NDUFS4: variants seen among roughly 807,000 people sequenced by gnomAD.
The protein encoded by NDUFS4 is NADH:ubiquinone oxidoreductase subunit S4.
In NDUFS4, 28 loss-of-function variants were observed where a neutral mutation model predicts 24.3. The ratio of observed to expected loss-of-function variants is 1.15; its 90% CI spans 0.85 to 1.58. The LOEUF (loss-of-function observed/expected upper bound fraction) is 1.58, where lower values mean the gene tolerates loss of function less well. Among genes scored for constraint, NDUFS4 ranks in the 40% most tolerant of loss-of-function variants. NDUFS4 has a pLI of 0.00. For synonymous variants in NDUFS4, 93 were observed against 69.7 expected (o/e 1.34, Z -1.67); for missense variants, 223 against 207.9 (o/e 1.07, Z -0.45).
chr5:53,651,213 T>G (rs1014033097), intron 3 of NDUFS4, among the ~76,000 whole-genome samples: 3 of 152,002 alleles, frequency 2.0e-5, no homozygotes, highest in African/African-American at 7.2e-5. Flanking sequence ...AAATATTTAC[T>G]TATTTGATTT....
chr5:53,632,680 G>T (rs1203262486), intron 2 of NDUFS4, among the ~76,000 whole-genome samples: 1 of 152,052 alleles, frequency 6.6e-6, no homozygotes, highest in Non-Finnish European at 1.5e-5. Context: ...ACAATTATAG[G>T]ACTGCATCTT....
At chr5:53,664,934 C>G (rs1341445186) in intron 4 of NDUFS4, among the ~76,000 whole-genome samples, 2 of 152,160 alleles carry the variant, frequency 1.3e-5, no homozygotes, top group African/African-American at 4.8e-5. Flanking sequence ...TATTTCTGCT[C>G]TGTTTTTTCC....
At chr5:53,595,382 T>C (rs1321320671) in intron 1 of NDUFS4, among the ~76,000 whole-genome samples, 2 of 152,192 alleles carry the variant, frequency 1.3e-5, no homozygotes, top group Non-Finnish European at 2.9e-5. Context: ...TGTCAAAGGA[T>C]AGCAACACAG....
At position 53,603,455 on chromosome 5, in the gene NDUFS4, G is replaced by A. The variant is rs138941073; in HGVS notation, c.102G>A (p.Ser34=). 575 of 1,612,180 alleles carry A rather than the reference G, an allele frequency of 3.6e-4. 2 individuals carry two copies. In the African/African-American group the frequency reaches 6.4e-3, roughly 18 times the overall value. ...ALSVSRVPTR[S]LRTSTWRLAQ... ...AACTTAAAGTCTTGCACTGCAGGTC[G>A]TTGAGGACTTCCACATGGAGATTGG... Residue 34 remains serine, a synonymous_variant, in exon 2 of 5, where the codon TCG becomes TCA. Transcript: ENST00000296684.
intron 2 of NDUFS4, among the ~76,000 whole-genome samples, chr5:53,628,856 G>GT (rs993827608): frequency 4.6e-5 from 7 of 151,744 alleles, no homozygotes; most frequent in South Asian, 2.1e-4. Flanking sequence ...TTTTTGAAGG[G>GT]TTTTTTTGTG....
intron 4 of NDUFS4, among the ~76,000 whole-genome samples, chr5:53,679,507 G>GTTCTT (rs780137806): frequency 8.0e-4 from 121 of 152,038 alleles, no homozygotes; most frequent in Non-Finnish European, 1.4e-3. Flanking sequence ...CAAACCAGTT[G>GTTCTT]TTCTTTTCTT....
At chr5:53,579,553 A>G (rs1308276159) in intron 1 of NDUFS4, among the ~76,000 whole-genome samples, 1 of 152,182 alleles carries the variant, frequency 6.6e-6, no homozygotes, top group African/African-American at 2.4e-5. Context: ...AAAAAAGTAA[A>G]ATCAAATAAA....
At chr5:53,610,156 A>G (rs1750651737) in intron 2 of NDUFS4, among the ~76,000 whole-genome samples, 1 of 152,136 alleles carries the variant, frequency 6.6e-6, no homozygotes, top group African/African-American at 2.4e-5. Flanking sequence ...ATTTTTACTT[A>G]AAGTGAGAGA....
intron 1 of NDUFS4, among the ~76,000 whole-genome samples, chr5:53,567,961 A>C (rs1047283083): frequency 6.6e-6 from 1 of 152,092 alleles, no homozygotes; most frequent in Non-Finnish European, 1.5e-5. Context: ...AACCTTTTTG[A>C]ACCTGAATTA....
At chr5:53,584,028 A>G (rs1393127672) in intron 1 of NDUFS4, among the ~76,000 whole-genome samples, 1 of 152,236 alleles carries the variant, frequency 6.6e-6, no homozygotes, top group Non-Finnish European at 1.5e-5. Context: ...AACATTGTTA[A>G]GAAAGCTTTT....
chr5:53,579,240 T>A (rs1272583674), intron 1 of NDUFS4, among the ~76,000 whole-genome samples: 1 of 152,230 alleles, frequency 6.6e-6, no homozygotes, highest in Non-Finnish European at 1.5e-5. Flanking sequence ...AGAGTTTGAT[T>A]TATACCTTTT....
At chr5:53,580,443 T>C (rs750235927) in intron 1 of NDUFS4, among the ~76,000 whole-genome samples, 1 of 152,168 alleles carries the variant, frequency 6.6e-6, no homozygotes, top group Non-Finnish European at 1.5e-5. Flanking sequence ...CAAAGATGAT[T>C]TTTGCTATTT....
intron 3 of NDUFS4, among the ~76,000 whole-genome samples, chr5:53,652,940 T>C (rs550564207): frequency 2.7e-5 from 4 of 147,620 alleles, no homozygotes; most frequent in East Asian, 2.0e-4. Flanking sequence ...ATTAATCTCT[T>C]TTTTTTTTTT....
At chr5:53,644,411 G>A (rs1257503254) in intron 2 of NDUFS4, among the ~76,000 whole-genome samples, 6 of 152,022 alleles carry the variant, frequency 3.9e-5, no homozygotes, top group African/African-American at 1.2e-4. Flanking sequence ...CTGAGGAAAC[G>A]AGACAGATTA....
rs1216740262 is a variant in NDUFS4 at position 53,635,123 on chromosome 5, GT to G, written c.178-11109del. On this transcript the variant is annotated intron_variant, in intron 2 of 4. Coordinates refer to ENST00000296684, the MANE Select transcript of NDUFS4 (RefSeq NM_002495.4). Reference sequence around the variant, plus strand: ...GAGAATTGCTTGAAGCCAGGAGGCGGTGGTTGCAGTGAGCTGAGATCACGCC... The same window carrying G: ...GAGAATTGCTTGAAGCCAGGAGGCGGGGTTGCAGTGAGCTGAGATCACGCC... 5.3e-5 allele frequency among the ~76,000 whole-genome samples: 8 copies of G among 152,164 alleles called. No homozygotes were observed. The South Asian group carries it at 1.5e-3, about 28-fold the overall frequency.
chr5:53,577,141 A>G (rs963119615), intron 1 of NDUFS4, among the ~76,000 whole-genome samples: 2 of 152,052 alleles, frequency 1.3e-5, no homozygotes, highest in African/African-American at 4.8e-5. Flanking sequence ...AAAAAGTATG[A>G]TGTTGCGATT....
At chr5:53,603,414 G>T (rs1579860658) in intron 1 of NDUFS4, 38 bp from the exon 2 acceptor site, 4 of 1,476,968 alleles carry the variant, frequency 2.7e-6, no homozygotes, top group East Asian at 2.3e-5. Flanking sequence ...TCCTCTCATT[G>T]CCTGGATCCT....
intron 4 of NDUFS4, among the ~76,000 whole-genome samples, chr5:53,660,479 C>G (rs908153287): frequency 7.9e-5 from 12 of 151,994 alleles, no homozygotes; most frequent in Non-Finnish European, 1.3e-4. Context: ...TGTGTCTTTA[C>G]AGCAGCATGA....
chr5:53,644,465 T>C (rs981286549), intron 2 of NDUFS4, among the ~76,000 whole-genome samples: 12 of 152,114 alleles, frequency 7.9e-5, no homozygotes, highest in African/African-American at 2.9e-4. Context: ...CTATGGCAGA[T>C]TGCAAGTATT....
Sources: allele counts gnomAD v4.1 joint callset (sites outside exome capture counted in the v4.1 genomes callset), GRCh38; gene constraint gnomAD v4.1.1; transcripts MANE v1.5; gene names NCBI Gene and HGNC (gene_info 2026-07-23, HGNC 2026-07-21).